Variants in FAT3 observed in about 807,000 individuals in gnomAD.
FAT3 encodes FAT atypical cadherin 3, also known as protocadherin Fat 3.
A neutral mutation model predicts 310.2 loss-of-function variants in FAT3; 95 were observed. The observed-to-expected ratio is 0.31, with a 90% CI of 0.26 to 0.36. FAT3 has a LOEUF of 0.36. Ranked by LOEUF, FAT3 falls within the 10% of genes least tolerant of loss-of-function variation. The pLI is 1.00. For synonymous variants in FAT3, 2,314 were observed against 2,192.9 expected (o/e 1.06, Z -1.54); for missense variants, 5,408 against 5,715.6 (o/e 0.95, Z 1.74).
intron 18 of FAT3, 123 bp from the exon 19 acceptor site, chr11:92,843,811 G>A: frequency 1.1e-6 from 1 of 927,592 alleles, no homozygotes; most frequent in Non-Finnish European, 1.7e-6. Flanking sequence ...TTTCAGAATA[G>A]TGGCAAGGAA....
intron 2 of FAT3, among the ~76,000 whole-genome samples, chr11:92,401,717 A>G (rs150518275): frequency 6.6e-6 from 1 of 152,328 alleles, no homozygotes; most frequent in Non-Finnish European, 1.5e-5. Context: ...CCAGCTGAAA[A>G]GCTGCAAGGA....
intron 12 of FAT3, among the ~76,000 whole-genome samples, chr11:92,807,804 T>C (rs1947547908): frequency 6.6e-6 from 1 of 152,252 alleles, no homozygotes; most frequent in African/African-American, 2.4e-5. Context: ...GGCAGATGCC[T>C]GCATTGAAGG....
chr11:92,461,306 G>A (rs1336793551), intron 2 of FAT3, among the ~76,000 whole-genome samples: 5 of 151,992 alleles, frequency 3.3e-5, no homozygotes, highest in African/African-American at 9.7e-5. Flanking sequence ...ACCATATCTG[G>A]TTATGGGATA....
chr11:92,767,594 G>C (rs1185730913), intron 6 of FAT3, among the ~76,000 whole-genome samples: 1 of 152,118 alleles, frequency 6.6e-6, no homozygotes, highest in Non-Finnish European at 1.5e-5. Flanking sequence ...AGTTATCCAG[G>C]TCAGGCTTGC....
At chr11:92,382,176 T>C (rs528443997) in intron 2 of FAT3, among the ~76,000 whole-genome samples, 1 of 152,278 alleles carries the variant, frequency 6.6e-6, no homozygotes, top group South Asian at 2.1e-4. Flanking sequence ...CAGTATTTAA[T>C]AGTAAAAAGA....
chr11:92,719,733 T>C (rs1022408669), intron 4 of FAT3, among the ~76,000 whole-genome samples: 22 of 132,442 alleles, frequency 1.7e-4, no homozygotes, highest in East Asian at 1.4e-3. Flanking sequence ...TGTGTGTGTG[T>C]GTGTGTGTGT....
At chr11:92,254,156 C>G (rs1031302043) in intron 1 of FAT3, among the ~76,000 whole-genome samples, 22 of 152,224 alleles carry the variant, frequency 1.4e-4, no homozygotes, top group African/African-American at 5.1e-4. Context: ...GTATACTGTG[C>G]TCCCTAGAAG....
intron 4 of FAT3, among the ~76,000 whole-genome samples, chr11:92,701,700 A>T (rs1944102065): frequency 6.6e-6 from 1 of 152,226 alleles, no homozygotes; most frequent in Non-Finnish European, 1.5e-5. Flanking sequence ...CAGCATACAG[A>T]TGCCAAGAGT....
intron 4 of FAT3, among the ~76,000 whole-genome samples, chr11:92,730,172 A>G (rs2135996619): frequency 6.6e-6 from 1 of 152,180 alleles, no homozygotes; most frequent in Middle Eastern, 3.4e-3. Context: ...CCCCATCTCT[A>G]CAAAAACCTT....
chr11:92,638,486 T>A (rs1379099050), intron 3 of FAT3, among the ~76,000 whole-genome samples: 2 of 152,176 alleles, frequency 1.3e-5, no homozygotes, highest in Non-Finnish European at 2.9e-5. Context: ...TAAGCTGTAT[T>A]GTGAATTTGG....
chr11:92,487,282 C>A (rs1363937634), intron 2 of FAT3, among the ~76,000 whole-genome samples: 1 of 152,112 alleles, frequency 6.6e-6, no homozygotes, highest in Non-Finnish European at 1.5e-5. Flanking sequence ...TTGGTAGCTG[C>A]TCACTTCTAG....
At chr11:92,832,060 G>T (rs1948275788) in intron 14 of FAT3, 49 bp downstream of exon 14, 2 of 1,486,682 alleles carry the variant, frequency 1.3e-6, no homozygotes, top group South Asian at 2.7e-5. Context: ...GCTTGGCACG[G>T]TGGCTCACAC....
At chr11:92,610,933 A>C (rs989677476) in intron 3 of FAT3, among the ~76,000 whole-genome samples, 6 of 152,116 alleles carry the variant, frequency 3.9e-5, no homozygotes, top group African/African-American at 1.4e-4. Context: ...TTTAGTGTTT[A>C]TAGGAGAATA....
At chr11:92,810,296 A>G (rs1263588776) in intron 13 of FAT3, among the ~76,000 whole-genome samples, 3 of 152,208 alleles carry the variant, frequency 2.0e-5, no homozygotes, top group African/African-American at 7.2e-5. Flanking sequence ...AAGAAGAGAT[A>G]CTAAGAAGTC....
At chr11:92,618,140 G>C (rs1455072202) in intron 3 of FAT3, among the ~76,000 whole-genome samples, 3 of 152,206 alleles carry the variant, frequency 2.0e-5, no homozygotes, top group Non-Finnish European at 2.9e-5. Flanking sequence ...CCCAGTTCGA[G>C]CTTCCCAGCC....
intron 22 of FAT3, among the ~76,000 whole-genome samples, chr11:92,879,622 G>A (rs955307287): frequency 1.3e-5 from 2 of 152,096 alleles, no homozygotes; most frequent in African/African-American, 4.8e-5. Context: ...TCATCATAAT[G>A]CAAACACTGC....
chr11:92,468,011 A>G lies in FAT3; in HGVS notation c.3293-56623A>G, dbSNP rs550405686. 2.6e-5 allele frequency among the ~76,000 whole-genome samples: 4 copies of G among 152,340 alleles called. No homozygotes were observed. In the South Asian group the frequency reaches 8.3e-4, roughly 32 times the overall value. Reference sequence around the variant, plus strand: ...ATAACATATGCATGACATTCTCTGTAGAGCCTAGGGCAGTGCCTTGTAATC... The same window carrying G: ...ATAACATATGCATGACATTCTCTGTGGAGCCTAGGGCAGTGCCTTGTAATC... On this transcript the variant is annotated intron_variant, in intron 2 of 27. Transcript: ENST00000525166.
intron 1 of FAT3, among the ~76,000 whole-genome samples, chr11:92,289,468 C>T (rs909511803): frequency 2.6e-5 from 4 of 151,308 alleles, no homozygotes; most frequent in African/African-American, 9.7e-5. Context: ...AATGGTAGCT[C>T]CAACCTCCCA....
chr11:92,404,346 A>G (rs998383245), intron 2 of FAT3, among the ~76,000 whole-genome samples: 1 of 152,144 alleles, frequency 6.6e-6, no homozygotes, highest in Admixed American at 6.6e-5. Context: ...CAGGATAGCC[A>G]GAAGAAGGAG....
Sources: gnomAD v4.1 joint callset for allele counts (sites outside exome capture counted in the v4.1 genomes callset) on GRCh38, gnomAD v4.1.1 for gene constraint, MANE v1.5 for transcripts, NCBI Gene and HGNC (gene_info 2026-07-23, HGNC 2026-07-21) for gene names.